Variants in EHBP1 observed in about 807,000 individuals in gnomAD.
EHBP1 encodes EH domain binding protein 1, also known as EH domain-binding protein 1.
Under a neutral mutation model 144.0 loss-of-function variants are expected in EHBP1, and 55 were observed. That is an observed-to-expected ratio of 0.38 (90% confidence interval 0.31 to 0.48). The LOEUF is 0.48. Among genes scored for constraint, EHBP1 ranks in the 20% least tolerant of loss-of-function variants. EHBP1 has a pLI of 0.98. For missense variants in EHBP1, 1,200 were observed against 1,364.2 expected, an observed-to-expected ratio of 0.88 and a Z score of 1.90; for synonymous variants, 469 against 472.7, an observed-to-expected ratio of 0.99 and a Z score of 0.10.
intron 10 of EHBP1, among the ~76,000 whole-genome samples, chr2:62,882,715 T>C (rs947891385): frequency 2.6e-5 from 4 of 152,162 alleles, no homozygotes; most frequent in Non-Finnish European, 4.4e-5. Flanking sequence ...AAACCTCGTC[T>C]CTACTAAAAA....
intron 10 of EHBP1, among the ~76,000 whole-genome samples, chr2:62,890,838 G>T (rs553999878): frequency 7.0e-4 from 107 of 152,314 alleles, no homozygotes; most frequent in African/African-American, 2.4e-3. Flanking sequence ...AATTTATGTT[G>T]TCTGCCTATA....
intron 10 of EHBP1, among the ~76,000 whole-genome samples, chr2:62,877,457 T>C (rs1488870887): frequency 1.3e-5 from 2 of 152,138 alleles, no homozygotes; most frequent in Non-Finnish European, 2.9e-5. Flanking sequence ...AGAAAACTAA[T>C]AAAGATATTC....
At chr2:62,706,666 T>G (rs1295061023) in intron 1 of EHBP1, 1 of 154,694 alleles carries the variant, frequency 6.5e-6, no homozygotes, top group Non-Finnish European at 1.4e-5. Context: ...TTGTTGGTGC[T>G]GACTACCTGA....
chr2:62,851,557 A>C (rs1442791001), intron 7 of EHBP1, among the ~76,000 whole-genome samples: 1 of 152,192 alleles, frequency 6.6e-6, no homozygotes, highest in Non-Finnish European at 1.5e-5. Flanking sequence ...AGTACATATT[A>C]CTTTACTTGC....
chr2:62,784,144 AACT>A (rs1366756841), intron 5 of EHBP1, among the ~76,000 whole-genome samples: 1 of 152,212 alleles, frequency 6.6e-6, no homozygotes, highest in Non-Finnish European at 1.5e-5. Context: ...ATGGATATAA[AACT>A]ACTAATTAAA....
rs1558964435 is a variant in EHBP1 at position 62,948,768 on chromosome 2, A to AT, written c.1924dup (p.Ser642PhefsTer17). 6.2e-7 allele frequency: 1 copy of AT among 1,614,146 alleles called. No homozygotes were observed. Among genetic ancestry groups the AT allele is most frequent in the Non-Finnish European group, 8.5e-7 (1 of 1,180,008 alleles). ...GACCCTGGAATATGTTCCAATACAGATTCAACCCAAGCACAGGTTTTGTTA... is the reference window on the plus strand; with the variant it reads ...GACCCTGGAATATGTTCCAATACAGATTTCAACCCAAGCACAGGTTTTGTTA... On this transcript the variant is annotated frameshift_variant, in exon 13 of 23. Coordinates refer to ENST00000431489, the MANE Select transcript of EHBP1 (RefSeq NM_001142616.3). LOFTEE classifies it high-confidence loss of function.
intron 5 of EHBP1, among the ~76,000 whole-genome samples, chr2:62,776,415 G>A (rs1014484222): frequency 3.3e-5 from 5 of 152,182 alleles, no homozygotes; most frequent in African/African-American, 9.7e-5. Flanking sequence ...AATAATGTAT[G>A]TAAAGCATCT....
At chr2:62,797,069 A>T (rs926026034) in intron 5 of EHBP1, among the ~76,000 whole-genome samples, 21 of 152,162 alleles carry the variant, frequency 1.4e-4, no homozygotes, top group African/African-American at 5.1e-4. Context: ...AACCTTACTA[A>T]ATTATTTCTT....
chr2:63,038,841 G>C (rs374583390), intron 21 of EHBP1, 25 bp downstream of exon 21: 67 of 1,592,412 alleles, frequency 4.2e-5, no homozygotes, highest in African/African-American at 5.4e-5. Context: ...GGTGGGGTGA[G>C]GTATGTGACG....
At chr2:62,767,222 C>T (rs1387720400) in intron 4 of EHBP1, among the ~76,000 whole-genome samples, 1 of 152,096 alleles carries the variant, frequency 6.6e-6, no homozygotes, top group African/African-American at 2.4e-5. Flanking sequence ...GAAGGCAGGG[C>T]TTTATGTTAG....
At chr2:62,959,995 G>T (rs1278745258) in intron 14 of EHBP1, among the ~76,000 whole-genome samples, 2 of 152,142 alleles carry the variant, frequency 1.3e-5, no homozygotes, top group African/African-American at 4.8e-5. Context: ...TGAGACTTTT[G>T]TATTTAGTTC....
Position 62,874,466 on chromosome 2 carries a change from A to G in EHBP1, c.1119A>G (p.Ser373=). ...AGGCCCCGGCTCCACCAGTCCTCTC[A>G]CCAAAAACAGGAGTATTAAATGAAA... The part of the protein sequence containing the change: ...KRKAPAPPVL[S]PKTGVLNENT... Residue 373 remains serine (S), a synonymous_variant, in exon 10 of 23, where the codon TCA becomes TCG. Coordinates refer to ENST00000431489, the MANE Select transcript of EHBP1 (RefSeq NM_001142616.3). 6.2e-7 allele frequency: 1 copy of G among 1,613,246 alleles called. No homozygotes were observed. The highest frequency in any genetic ancestry group is 1.7e-5 in the Admixed American group (1 of 59,908).
intron 7 of EHBP1, among the ~76,000 whole-genome samples, chr2:62,834,378 A>G (rs993963827): frequency 6.6e-6 from 1 of 152,216 alleles, no homozygotes; most frequent in Non-Finnish European, 1.5e-5. Flanking sequence ...TGTTTAGGAA[A>G]TGGCAACAAG....
At chr2:62,737,362 C>G (rs2038240522) in intron 2 of EHBP1, among the ~76,000 whole-genome samples, 1 of 152,132 alleles carries the variant, frequency 6.6e-6, no homozygotes, top group Non-Finnish European at 1.5e-5. Flanking sequence ...TCCCCTTTCC[C>G]CCGCGACTGG....
chr2:62,923,992 C>G (rs2055301634), intron 10 of EHBP1, among the ~76,000 whole-genome samples: 1 of 152,128 alleles, frequency 6.6e-6, no homozygotes, highest in Non-Finnish European at 1.5e-5. Flanking sequence ...CTCATGGGTC[C>G]CTACCCAGTA....
chr2:62,778,200 G>A (rs1446888465), intron 5 of EHBP1, among the ~76,000 whole-genome samples: 1 of 152,054 alleles, frequency 6.6e-6, no homozygotes, highest in African/African-American at 2.4e-5. Context: ...GTTACCTCCG[G>A]AAGACTTTTA....
intron 2 of EHBP1, among the ~76,000 whole-genome samples, chr2:62,716,158 T>C (rs570971074): frequency 8.4e-4 from 127 of 152,086 alleles, no homozygotes; most frequent in African/African-American, 3.0e-3. Flanking sequence ...TCTCCTCTAC[T>C]TCCAGAATTT....
intron 1 of EHBP1, among the ~76,000 whole-genome samples, chr2:62,697,781 C>A (rs1247913753): frequency 1.3e-5 from 2 of 152,150 alleles, no homozygotes; most frequent in East Asian, 3.8e-4. Flanking sequence ...TACTCTTGAA[C>A]CTGTTGCCTT....
chr2:62,807,938 G>T (rs185291198), intron 5 of EHBP1, among the ~76,000 whole-genome samples: 1 of 151,620 alleles, frequency 6.6e-6, no homozygotes, highest in African/African-American at 2.4e-5. Context: ...TAGATATGCC[G>T]AACTGGACAA....
Sources: gnomAD v4.1 joint callset for allele counts (sites outside exome capture counted in the v4.1 genomes callset) on GRCh38, gnomAD v4.1.1 for gene constraint, MANE v1.5 for transcripts, NCBI Gene and HGNC (gene_info 2026-07-23, HGNC 2026-07-21) for gene names.